Variants in FBXL17 observed in about 807,000 individuals in gnomAD.
FBXL17 encodes the protein F-box and leucine rich repeat protein 17.
FBXL17 carries 22 observed loss-of-function variants against 66.2 expected under a neutral mutation model. That is an observed-to-expected ratio of 0.33 (90% CI 0.24 to 0.47). FBXL17 has a LOEUF of 0.47. Ranked by LOEUF, FBXL17 falls within the 20% of genes least tolerant of loss-of-function variation. FBXL17 has a pLI of 1.00. For synonymous variants in FBXL17, 474 were observed against 400.5 expected, an observed-to-expected ratio of 1.18 and a Z score of -2.19; for missense variants, 878 against 948.2, an observed-to-expected ratio of 0.93 and a Z score of 0.97.
chr5:108,055,608 C>CAAAAAAAA (rs55653715), intron 6 of FBXL17, among the ~76,000 whole-genome samples: 1 of 51,144 alleles, frequency 2.0e-5, no homozygotes, highest in Non-Finnish European at 4.3e-5. Flanking sequence ...GACTCTGTCT[C>CAAAAAAAA]AAAAAAAAAA....
At chr5:108,025,773 G>A (rs1754797293) in intron 6 of FBXL17, among the ~76,000 whole-genome samples, 1 of 149,358 alleles carries the variant, frequency 6.7e-6, no homozygotes, top group Non-Finnish European at 1.5e-5. Context: ...CACGAAAGGA[G>A]TAAAAATTGT....
chr5:107,922,197 T>C (rs1464735887), intron 7 of FBXL17, among the ~76,000 whole-genome samples: 1 of 152,128 alleles, frequency 6.6e-6, no homozygotes, highest in Non-Finnish European at 1.5e-5. Context: ...GGCACTAGAG[T>C]CACTAATATG....
chr5:108,205,334 AAAGT>A, intron 5 of FBXL17, among the ~76,000 whole-genome samples: 1 of 152,308 alleles, frequency 6.6e-6, no homozygotes, highest in East Asian at 1.9e-4. Flanking sequence ...ACCAGTAAAT[AAAGT>A]ATGTGTCTCT....
intron 5 of FBXL17, among the ~76,000 whole-genome samples, chr5:108,210,438 G>C (rs939712551): frequency 1.3e-5 from 2 of 152,090 alleles, no homozygotes; most frequent in Non-Finnish European, 2.9e-5. Context: ...GCTTTCTCTT[G>C]TGAGTATTTA....
chr5:108,060,979 G>C (rs1400294730), intron 6 of FBXL17, among the ~76,000 whole-genome samples: 3 of 151,880 alleles, frequency 2.0e-5, no homozygotes, highest in Non-Finnish European at 4.4e-5. Flanking sequence ...GATGATCTGG[G>C]TTTTTTAATT....
chr5:108,242,348 GTTTGTT>G (rs1039137559), intron 4 of FBXL17, among the ~76,000 whole-genome samples: 1 of 116,920 alleles, frequency 8.6e-6, no homozygotes, highest in African/African-American at 3.3e-5. Flanking sequence ...TGCCTGGCTA[GTTTGTT>G]GTTGTTGTTG....
chr5:107,907,327 C>T (rs1196176160), intron 7 of FBXL17, among the ~76,000 whole-genome samples: 1 of 152,170 alleles, frequency 6.6e-6, no homozygotes, highest in Admixed American at 6.5e-5. Context: ...ACTTTATAAG[C>T]ATCCTTTGTG....
intron 7 of FBXL17, among the ~76,000 whole-genome samples, chr5:108,006,406 T>G (rs1288952215): frequency 6.6e-6 from 1 of 152,142 alleles, no homozygotes; most frequent in East Asian, 1.9e-4. Flanking sequence ...ATGGATGTGA[T>G]GAAAGGTAGA....
chr5:108,180,638 T>A (rs1001302841), intron 6 of FBXL17, among the ~76,000 whole-genome samples: 1 of 152,186 alleles, frequency 6.6e-6, no homozygotes, highest in Non-Finnish European at 1.5e-5. Flanking sequence ...AGATTTAAAA[T>A]TCTCCAAATT....
At position 107,896,823 on chromosome 5, in the gene FBXL17, T is replaced by C. The variant is rs1580692798; in HGVS notation, c.1823-15644A>G. 2.7e-5 allele frequency among the ~76,000 whole-genome samples: 4 copies of C among 148,884 alleles called. 1 individual carries two copies. In the Admixed American group the frequency reaches 2.7e-4, roughly 10 times the overall value. On this transcript the variant is annotated intron_variant, in intron 7 of 8. Coordinates refer to ENST00000542267, the MANE Select transcript of FBXL17 (RefSeq NM_001163315.3). Reference sequence around the variant, plus strand: ...GAAAAGAGAATTTGTGAAGCTGTCATTGCAGCTAGGCCAGCAGGCATGAAA... The same window carrying C: ...GAAAAGAGAATTTGTGAAGCTGTCACTGCAGCTAGGCCAGCAGGCATGAAA...
intron 4 of FBXL17, among the ~76,000 whole-genome samples, chr5:108,273,731 T>A (rs556182820): frequency 1.3e-5 from 2 of 152,310 alleles, no homozygotes; most frequent in African/African-American, 4.8e-5. Flanking sequence ...TGATTTGATA[T>A]ATGCAGAAAG....
chr5:108,092,512 TG>T (rs1749224370), intron 6 of FBXL17, among the ~76,000 whole-genome samples: 1 of 152,098 alleles, frequency 6.6e-6, no homozygotes, highest in African/African-American at 2.4e-5. Context: ...TATGGGGTTT[TG>T]CCATGTTGTC....
intron 6 of FBXL17, among the ~76,000 whole-genome samples, chr5:108,145,859 A>G (rs957096317): frequency 6.7e-6 from 1 of 149,522 alleles, no homozygotes; most frequent in South Asian, 2.1e-4. Context: ...AATTCATTAC[A>G]ATGTAGAGAT....
intron 1 of FBXL17, among the ~76,000 whole-genome samples, chr5:108,379,001 A>G (rs1749646220): frequency 6.6e-6 from 1 of 152,218 alleles, no homozygotes; most frequent in African/African-American, 2.4e-5. Context: ...AACATGTCCA[A>G]ATACACACAA....
intron 8 of FBXL17, among the ~76,000 whole-genome samples, chr5:107,866,983 C>G (rs929343812): frequency 3.3e-5 from 5 of 152,016 alleles, no homozygotes; most frequent in Admixed American, 2.0e-4. Context: ...AGTATATACT[C>G]AATAAATATG....
intron 1 of FBXL17, among the ~76,000 whole-genome samples, chr5:108,379,072 G>A (rs796437237): frequency 6.6e-6 from 1 of 152,028 alleles, no homozygotes; most frequent in Non-Finnish European, 1.5e-5. Flanking sequence ...CAATCCTCAG[G>A]AAAAAATATG....
At position 108,148,589 on chromosome 5, in the gene FBXL17, T is replaced by C. The variant is rs540812000; in HGVS notation, c.1745+37528A>G. On this transcript the variant is annotated intron_variant, in intron 6 of 8. Transcript: ENST00000542267. ...TCATAGAGGAATACACACAGTATGA[T>C]TACATCTATATAAAGAAACAAAAAT... is the stretch of plus-strand genomic sequence containing the variant. Among the ~76,000 whole-genome samples, 131 of 152,296 alleles carry C rather than the reference T, an allele frequency of 8.6e-4. 3 individuals carry two copies. The highest frequency in any genetic ancestry group is 3.0e-3 in the African/African-American group (124 of 41,560).
chr5:108,070,172 G>C (rs1748274828), intron 6 of FBXL17, among the ~76,000 whole-genome samples: 1 of 152,108 alleles, frequency 6.6e-6, no homozygotes, highest in Non-Finnish European at 1.5e-5. Context: ...CATTCCATTA[G>C]AACCAATAAT....
intron 6 of FBXL17, among the ~76,000 whole-genome samples, chr5:108,087,621 G>T (rs1379145974): frequency 6.6e-6 from 1 of 151,982 alleles, no homozygotes; most frequent in Admixed American, 6.6e-5. Flanking sequence ...CTCAGTGTCT[G>T]CTTCCAAAGA....
Sources: gnomAD v4.1 joint callset for allele counts (sites outside exome capture counted in the v4.1 genomes callset) on GRCh38, gnomAD v4.1.1 for gene constraint, MANE v1.5 for transcripts, NCBI Gene and HGNC (gene_info 2026-07-23, HGNC 2026-07-21) for gene names.